ZFAND6: variants seen among roughly 807,000 people sequenced by gnomAD.
The protein encoded by ZFAND6 is AN1-type zinc finger protein 6.
In ZFAND6, 12 loss-of-function variants were observed where a neutral mutation model predicts 24.5. The observed-to-expected ratio is 0.49, with a 90% CI of 0.31 to 0.79. The LOEUF is 0.79. Ranked by LOEUF, ZFAND6 falls within the 30% of genes least tolerant of loss-of-function variation. ZFAND6 has a pLI of 0.04. For synonymous variants in ZFAND6, 92 were observed against 81.5 expected (o/e 1.13, Z -0.69); for missense variants, 207 against 245.9 (o/e 0.84, Z 1.06).
At chr15:80,130,882 T>C in intron 5 of ZFAND6, 1 of 297,668 alleles carries the variant, frequency 3.4e-6, no homozygotes. Context: ...ATGTGCCTTT[T>C]ATTGATTAAA....
At chr15:80,086,963 G>T (rs1469637569) in intron 1 of ZFAND6, among the ~76,000 whole-genome samples, 2 of 152,034 alleles carry the variant, frequency 1.3e-5, no homozygotes, top group African/African-American at 2.4e-5. Context: ...ATGTCTTCAG[G>T]GTTCATCCAG....
chr15:80,065,698 C>A (rs2036594408), intron 1 of ZFAND6, among the ~76,000 whole-genome samples: 1 of 151,794 alleles, frequency 6.6e-6, no homozygotes, highest in East Asian at 1.9e-4. Context: ...GGGTGTGCCA[C>A]CACACCTGGC....
chr15:80,072,529 T>C (rs2141822245), intron 1 of ZFAND6: 2 of 152,208 alleles, frequency 1.3e-5, no homozygotes, highest in African/African-American at 4.8e-5. Flanking sequence ...GATTTTACTC[T>C]TCAGCCACTA....
intron 5 of ZFAND6, chr15:80,130,894 T>C (rs926590028): frequency 1.9e-5 from 6 of 321,470 alleles, no homozygotes; most frequent in African/African-American, 1.3e-4. Flanking sequence ...TTGATTAAAT[T>C]TGTAGTTACT....
chr15:80,079,255 C>G (rs895680361), intron 1 of ZFAND6, among the ~76,000 whole-genome samples: 2 of 151,880 alleles, frequency 1.3e-5, no homozygotes, highest in African/African-American at 4.8e-5. Context: ...GAGTCTCGCT[C>G]TGTCGCCCAG....
At chr15:80,074,940 C>T (rs1228063697) in intron 1 of ZFAND6, among the ~76,000 whole-genome samples, 1 of 151,910 alleles carries the variant, frequency 6.6e-6, no homozygotes, top group East Asian at 1.9e-4. Context: ...TGGGCTATAA[C>T]TCATTGATGG....
chr15:80,093,740 G>A (rs531924181), intron 1 of ZFAND6, among the ~76,000 whole-genome samples: 5 of 152,288 alleles, frequency 3.3e-5, no homozygotes, highest in Admixed American at 2.6e-4. Flanking sequence ...TAAATAAATA[G>A]TTAGATAGAT....
intron 2 of ZFAND6, among the ~76,000 whole-genome samples, chr15:80,105,585 C>T (rs1252783770): frequency 6.6e-6 from 1 of 152,198 alleles, no homozygotes; most frequent in Non-Finnish European, 1.5e-5. Flanking sequence ...AGTTGACCCC[C>T]TCAAAATTCT....
chr15:80,106,222 A>T (rs1285613255), intron 2 of ZFAND6, among the ~76,000 whole-genome samples: 5 of 152,226 alleles, frequency 3.3e-5, no homozygotes, highest in Non-Finnish European at 4.4e-5. Context: ...TAATATCTCT[A>T]ACCAAAATAG....
chr15:80,112,419 A>G (rs987925849), intron 2 of ZFAND6, among the ~76,000 whole-genome samples: 2 of 152,102 alleles, frequency 1.3e-5, no homozygotes, highest in East Asian at 1.9e-4. Context: ...TTTTTTTGAG[A>G]CAGAGTCTTG....
At chr15:80,136,413 C>A (rs1272224700) in intron 6 of ZFAND6, among the ~76,000 whole-genome samples, 1 of 151,560 alleles carries the variant, frequency 6.6e-6, no homozygotes, top group African/African-American at 2.4e-5. Flanking sequence ...TGTGGTGAGC[C>A]GAGATCATGC....
chr15:80,136,023 G>A (rs946298062), intron 6 of ZFAND6, among the ~76,000 whole-genome samples: 1 of 152,096 alleles, frequency 6.6e-6, no homozygotes, highest in African/African-American at 2.4e-5. Flanking sequence ...CTACTCAGAA[G>A]GCTGAGGTGG....
chr15:80,118,304 T>G (rs1423494210), intron 2 of ZFAND6, among the ~76,000 whole-genome samples: 1 of 140,690 alleles, frequency 7.1e-6, no homozygotes, highest in Non-Finnish European at 1.5e-5. Flanking sequence ...TTTGTATTTT[T>G]AGTAGAGATG....
rs572809121 is a variant in ZFAND6, at chr15:80,061,808, C to G, written c.-181+1999C>G. 4.6e-5 allele frequency among the ~76,000 whole-genome samples: 7 copies of G among 152,188 alleles called. No individual in the cohort carries two copies. In the East Asian group the frequency reaches 5.8e-4, roughly 13 times the overall value. ...TACAAGAATTTCTCTAGAGTAAATA[C>G]TTAATGTGGATTGCATTAGACGGTA... On this transcript the variant is annotated intron_variant, in intron 1 of 6. Coordinates refer to ENST00000261749, the MANE Select transcript of ZFAND6 (RefSeq NM_019006.4).
At chr15:80,130,054 G>A (rs1567099703) in intron 5 of ZFAND6, 1 of 152,228 alleles carries the variant, frequency 6.6e-6, no homozygotes, top group Admixed American at 6.5e-5. Flanking sequence ...TATCCTGGGG[G>A]GTAGTTGGGA....
intron 1 of ZFAND6, among the ~76,000 whole-genome samples, chr15:80,091,673 C>T (rs1040320695): frequency 1.3e-5 from 2 of 151,822 alleles, no homozygotes; most frequent in African/African-American, 4.8e-5. Context: ...GGATCTTGCT[C>T]TTGTCACCCC....
At chr15:80,132,459 A>G (rs2040648353) in intron 6 of ZFAND6, among the ~76,000 whole-genome samples, 1 of 152,242 alleles carries the variant, frequency 6.6e-6, no homozygotes, top group Non-Finnish European at 1.5e-5. Context: ...AAACAAATGT[A>G]AAGATGCAGT....
At chr15:80,124,697 A>G (rs535544937) in intron 5 of ZFAND6, among the ~76,000 whole-genome samples, 4 of 152,308 alleles carry the variant, frequency 2.6e-5, no homozygotes, top group African/African-American at 4.8e-5. Flanking sequence ...GAGAAATTGT[A>G]TAGGCCCCAT....
chr15:80,076,217 T>G (rs1024748817), intron 1 of ZFAND6, among the ~76,000 whole-genome samples: 1 of 152,122 alleles, frequency 6.6e-6, no homozygotes, highest in African/African-American at 2.4e-5. Flanking sequence ...ATCCAAAACT[T>G]TTTTTGTACC....
Sources: allele counts gnomAD v4.1 joint callset (sites outside exome capture counted in the v4.1 genomes callset), GRCh38; gene constraint gnomAD v4.1.1; transcripts MANE v1.5; gene names NCBI Gene and HGNC (gene_info 2026-07-23, HGNC 2026-07-21).